Variants in FRMD4B observed in about 807,000 individuals in gnomAD.
FRMD4B encodes FERM domain-containing protein 4B.
FRMD4B carries 74 observed loss-of-function variants against 141.5 expected under a neutral mutation model. The ratio of observed to expected loss-of-function variants is 0.52; its 90% CI spans 0.43 to 0.63. The LOEUF (loss-of-function observed/expected upper bound fraction) is 0.63. Ranked by LOEUF, FRMD4B falls within the 30% of genes least tolerant of loss-of-function variation. The pLI, the probability that FRMD4B is intolerant of heterozygous loss-of-function variation, is 0.00. For missense variants in FRMD4B, 1,366 were observed against 1,253.4 expected (o/e 1.09, Z -1.36); for synonymous variants, 506 against 467.9 (o/e 1.08, Z -1.05).
At chr3:69,178,938 A>G (rs552958384) in intron 21 of FRMD4B, among the ~76,000 whole-genome samples, 7 of 152,080 alleles carry the variant, frequency 4.6e-5, no homozygotes, top group African/African-American at 7.2e-5. Flanking sequence ...TGTCATTACT[A>G]AAACTGAGTC....
chr3:69,461,855 A>C lies in FRMD4B; in HGVS notation c.-128-29094T>G, dbSNP rs575529961. ...GTCTCTGAGTAATTAACAGAGTGCC[A>C]CTTTCCCTCTCAAAAGTGTCCCGTT... On this transcript the variant is annotated intron_variant, in intron 1 of 5. Coordinates refer to the FRMD4B transcript ENST00000459638. Among the ~76,000 whole-genome samples, 6 of 152,184 alleles carry C rather than the reference A, an allele frequency of 3.9e-5. No homozygotes were observed. The South Asian group carries it at 1.2e-3, about 32-fold the overall frequency.
rs909516582 is a variant in FRMD4B, at chr3:69,462,290, A to C, written c.-128-29529T>G. ...TCCCATGGAGGGGCTAGGAGGCCGC[A>C]GTTTTATCCTGCAGTTTTACTCCTC... On this transcript the variant is annotated intron_variant, in intron 1 of 5. Coordinates refer to the FRMD4B transcript ENST00000459638. Among the ~76,000 whole-genome samples the C allele has an allele frequency of 3.9e-5, 6 of 152,294 alleles. No homozygotes were observed. In the East Asian group the frequency reaches 1.2e-3, roughly 29 times the overall value.
At chr3:69,467,275 TCA>T (rs569018060) in intron 1 of FRMD4B, among the ~76,000 whole-genome samples, 171 of 152,318 alleles carry the variant, frequency 1.1e-3, no homozygotes, top group Middle Eastern at 0.01. Context: ...AGGAAATACT[TCA>T]CCAAGAAGCA....
chr3:69,185,337 CAT>C (rs1218125440), intron 19 of FRMD4B, among the ~76,000 whole-genome samples: 1 of 148,246 alleles, frequency 6.7e-6, no homozygotes, highest in Non-Finnish European at 1.5e-5. Flanking sequence ...AAAGAAGAAA[CAT>C]AGCAATGTGG....
chr3:69,522,283 C>CT (rs1553650245), intron 1 of FRMD4B, among the ~76,000 whole-genome samples: 6 of 152,016 alleles, frequency 3.9e-5, no homozygotes, highest in Admixed American at 6.6e-5. Context: ...TGATTCATAA[C>CT]TTTTTTTCTA....
intron 1 of FRMD4B, among the ~76,000 whole-genome samples, chr3:69,435,654 G>T (rs779306875): frequency 1.1e-4 from 17 of 152,186 alleles, no homozygotes; most frequent in Non-Finnish European, 2.5e-4. Flanking sequence ...TACAGAGAAA[G>T]TTTGCCAACT....
intron 7 of FRMD4B, among the ~76,000 whole-genome samples, chr3:69,232,307 C>T (rs1457400820): frequency 6.6e-6 from 1 of 152,148 alleles, no homozygotes; most frequent in Non-Finnish European, 1.5e-5. Context: ...GTGACCAAAC[C>T]AGAAATTGCT....
intron 17 of FRMD4B, among the ~76,000 whole-genome samples, chr3:69,192,397 GACAA>G (rs751996738): frequency 6.6e-5 from 10 of 151,794 alleles, no homozygotes; most frequent in Non-Finnish European, 1.5e-4. Flanking sequence ...AACAAAAAAA[GACAA>G]ACAAAAAAAC....
chr3:69,211,521 C>T (rs768586252), intron 11 of FRMD4B, among the ~76,000 whole-genome samples: 1 of 152,182 alleles, frequency 6.6e-6, no homozygotes, highest in Admixed American at 6.5e-5. Flanking sequence ...CAGGTGATAA[C>T]TGATACAGAA....
chr3:69,408,848 G>GA (rs1704703813), intron 2 of FRMD4B, among the ~76,000 whole-genome samples: 3 of 152,078 alleles, frequency 2.0e-5, no homozygotes, highest in Non-Finnish European at 4.4e-5. Flanking sequence ...TTGCACCTGG[G>GA]GACCACTGCT....
At chr3:69,266,245 A>G (rs904617770) in intron 5 of FRMD4B, among the ~76,000 whole-genome samples, 2 of 152,078 alleles carry the variant, frequency 1.3e-5, no homozygotes, top group African/African-American at 4.8e-5. Context: ...GACAAGCCAT[A>G]AGAACACAGG....
At chr3:69,287,635 G>C in intron 5 of FRMD4B, 117 bp downstream of exon 5, 2 of 670,628 alleles carry the variant, frequency 3.0e-6, no homozygotes, top group Non-Finnish European at 2.7e-6. Flanking sequence ...TCATGGAAAA[G>C]ATTGTGGCCT....
chr3:69,258,298 G>A (rs2093505136), intron 5 of FRMD4B, among the ~76,000 whole-genome samples: 1 of 152,010 alleles, frequency 6.6e-6, no homozygotes, highest in Non-Finnish European at 1.5e-5. Flanking sequence ...TTTTATTGAG[G>A]TACATACAAT....
chr3:69,269,165 G>T (rs2069378403), intron 5 of FRMD4B, among the ~76,000 whole-genome samples: 1 of 151,644 alleles, frequency 6.6e-6, no homozygotes, highest in South Asian at 2.1e-4. Context: ...CTAACCTCAG[G>T]TGACCCACCT....
At chr3:69,218,075 T>A (rs563572970) in intron 10 of FRMD4B, among the ~76,000 whole-genome samples, 1 of 152,246 alleles carries the variant, frequency 6.6e-6, no homozygotes, top group Admixed American at 6.5e-5. Context: ...GCTAGAAAGG[T>A]GACCAACTGG....
intron 1 of FRMD4B, among the ~76,000 whole-genome samples, chr3:69,483,923 G>T (rs181245984): frequency 6.6e-6 from 1 of 152,076 alleles, no homozygotes; most frequent in African/African-American, 2.4e-5. Flanking sequence ...TGAGGTTTTT[G>T]TCGGTTCAGC....
At chr3:69,384,534 A>C (rs1216720314) in intron 1 of FRMD4B, among the ~76,000 whole-genome samples, 1 of 152,276 alleles carries the variant, frequency 6.6e-6, no homozygotes, top group Non-Finnish European at 1.5e-5. Context: ...CCAAAAAGCC[A>C]GAGAGCTATG....
chr3:69,182,426 C>T (rs2092717592), intron 20 of FRMD4B, among the ~76,000 whole-genome samples, 172 bp downstream of exon 20: 1 of 152,128 alleles, frequency 6.6e-6, no homozygotes, highest in Non-Finnish European at 1.5e-5. Context: ...AAATCAAATA[C>T]ATTTTCTTTG....
At chr3:69,479,559 T>C (rs1395806776) in intron 1 of FRMD4B, among the ~76,000 whole-genome samples, 2 of 152,302 alleles carry the variant, frequency 1.3e-5, no homozygotes, top group South Asian at 2.1e-4. Flanking sequence ...GCTTGTAGAG[T>C]TTCTGCCAAG....
Sources: gnomAD v4.1 joint callset for allele counts (sites outside exome capture counted in the v4.1 genomes callset) on GRCh38, gnomAD v4.1.1 for gene constraint, MANE v1.5 for transcripts, NCBI Gene and HGNC (gene_info 2026-07-23, HGNC 2026-07-21) for gene names.